Variants in GRIA2 observed in about 807,000 individuals in gnomAD.
The protein encoded by GRIA2 is glutamate ionotropic receptor AMPA type subunit 2.
GRIA2 carries 14 observed loss-of-function variants against 97.3 expected under a neutral mutation model. The observed-to-expected ratio is 0.14, with a 90% confidence interval of 0.10 to 0.23. The LOEUF (loss-of-function observed/expected upper bound fraction) is 0.23, where lower values mean the gene tolerates loss of function less well. Among genes scored for constraint, GRIA2 ranks in the 10% least tolerant of loss-of-function variants. The pLI, the probability that GRIA2 is intolerant of heterozygous loss-of-function variation, is 1.00. For missense variants in GRIA2, 558 were observed against 1,069.8 expected (o/e 0.52, Z 6.67); for synonymous variants, 412 against 387.8 (o/e 1.06, Z -0.73).
intron 2 of GRIA2, among the ~76,000 whole-genome samples, chr4:157,228,808 A>AG (rs1426846657): frequency 1.5e-4 from 22 of 150,682 alleles, no homozygotes; most frequent in Admixed American, 1.1e-3. Context: ...AAAAAAAAAA[A>AG]AAGAAGGAAA....
At chr4:157,358,374 T>A (rs1736484634) in intron 12 of GRIA2, among the ~76,000 whole-genome samples, 1 of 152,128 alleles carries the variant, frequency 6.6e-6, no homozygotes, top group Non-Finnish European at 1.5e-5. Context: ...GGGGTCCTAG[T>A]AAAATTTTCA....
At chr4:157,295,398 T>A (rs1361442577) in intron 2 of GRIA2, among the ~76,000 whole-genome samples, 1 of 152,118 alleles carries the variant, frequency 6.6e-6, no homozygotes, top group Non-Finnish European at 1.5e-5. Context: ...GGGAAAATCA[T>A]CATTGAGGCA....
intron 2 of GRIA2, among the ~76,000 whole-genome samples, chr4:157,226,138 AAT>A (rs1458106456): frequency 6.6e-6 from 1 of 152,044 alleles, no homozygotes; most frequent in African/African-American, 2.4e-5. Flanking sequence ...AAGATGATTT[AAT>A]AGTTTTATAT....
intron 12 of GRIA2, among the ~76,000 whole-genome samples, chr4:157,351,640 C>A (rs1249807949): frequency 2.0e-5 from 3 of 152,136 alleles, no homozygotes; most frequent in Non-Finnish European, 4.4e-5. Flanking sequence ...CCTTGAATTG[C>A]AATCCCTATA....
chr4:157,333,227 T>C (rs758793734), intron 7 of GRIA2, 22 bp from the exon 8 acceptor site: 1 of 1,354,544 alleles, frequency 7.4e-7, no homozygotes, highest in Non-Finnish European at 1.0e-6. Context: ...ATAACTCTGC[T>C]GCTTTCCCAT....
chr4:157,275,329 C>T (rs1288797926), intron 2 of GRIA2, among the ~76,000 whole-genome samples: 7 of 152,052 alleles, frequency 4.6e-5, no homozygotes, highest in African/African-American at 9.7e-5. Context: ...GCCTGTTCAC[C>T]GTGATGGTGG....
intron 2 of GRIA2, among the ~76,000 whole-genome samples, chr4:157,289,129 G>A (rs1365890367): frequency 6.6e-6 from 1 of 151,806 alleles, no homozygotes; most frequent in African/African-American, 2.4e-5. Flanking sequence ...AATCAAACTG[G>A]TTTGGTTTTA....
intron 12 of GRIA2, chr4:157,342,491 G>A: frequency 2.0e-6 from 2 of 978,374 alleles, no homozygotes; most frequent in Non-Finnish European, 2.4e-6. Flanking sequence ...CAATATAAGT[G>A]CAAAAATGTG....
At chr4:157,268,349 A>G (rs938779882) in intron 2 of GRIA2, among the ~76,000 whole-genome samples, 25 of 152,086 alleles carry the variant, frequency 1.6e-4, no homozygotes, top group African/African-American at 5.5e-4. Flanking sequence ...TGAAATAAGT[A>G]AGCTCACTGT....
intron 2 of GRIA2, among the ~76,000 whole-genome samples, chr4:157,259,139 G>C (rs1159667077): frequency 1.3e-5 from 2 of 152,026 alleles, no homozygotes; most frequent in Non-Finnish European, 2.9e-5. Flanking sequence ...GAAATGAGAG[G>C]ACTGCTTGAG....
At chr4:157,241,055 C>A (rs1325101431) in intron 2 of GRIA2, among the ~76,000 whole-genome samples, 3 of 152,138 alleles carry the variant, frequency 2.0e-5, no homozygotes, top group African/African-American at 7.2e-5. Context: ...TTTTTTATGG[C>A]TGCATAGTAT....
chr4:157,277,189 C>A (rs918544015), intron 2 of GRIA2, among the ~76,000 whole-genome samples: 2 of 151,802 alleles, frequency 1.3e-5, no homozygotes, highest in African/African-American at 4.8e-5. Context: ...TAATTACACA[C>A]CACAGCTGTG....
At chr4:157,321,081 G>A (rs1420872370) in intron 5 of GRIA2, among the ~76,000 whole-genome samples, 1 of 152,086 alleles carries the variant, frequency 6.6e-6, no homozygotes, top group Non-Finnish European at 1.5e-5. Flanking sequence ...GTTATTAAGT[G>A]TCTGTAACCA....
intron 6 of GRIA2, among the ~76,000 whole-genome samples, chr4:157,324,289 G>A (rs1446390160): frequency 6.6e-6 from 1 of 152,128 alleles, no homozygotes; most frequent in Non-Finnish European, 1.5e-5. Flanking sequence ...GAATGTGTTT[G>A]GGGAGGAAGT....
At chr4:157,222,728 A>G (rs1363100546) in intron 2 of GRIA2, among the ~76,000 whole-genome samples, 4 of 152,204 alleles carry the variant, frequency 2.6e-5, no homozygotes, top group African/African-American at 7.2e-5. Flanking sequence ...GCAATGCTCC[A>G]TATTAACCCT....
Position 157,336,604 on chromosome 4 carries a change from T to C in GRIA2, c.1701T>C (p.Phe567=), listed in dbSNP as rs1478894347. The C allele has an allele frequency of 1.2e-6, 2 of 1,613,484 alleles. No individual in the cohort carries two copies. The highest frequency in any genetic ancestry group is 1.7e-6 in the Non-Finnish European group (2 of 1,179,576). ...TAGTTTTATTCCTGGTCAGCAGATTTAGCCCCTACGAGTGGCACACTGAGG... is the reference window on the plus strand; with the variant it reads ...TAGTTTTATTCCTGGTCAGCAGATTCAGCCCCTACGAGTGGCACACTGAGG... ...VSVVLFLVSR[F]SPYEWHTEEF... The change falls in exon 11 of 16, where the codon TTT becomes TTC. Residue 567 remains phenylalanine, a synonymous_variant. Transcript: ENST00000264426.
intron 5 of GRIA2, 104 bp downstream of exon 5, chr4:157,317,815 G>A (rs1734392951): frequency 5.2e-6 from 3 of 572,742 alleles, no homozygotes; most frequent in Non-Finnish European, 9.6e-6. Flanking sequence ...AAAAAATACA[G>A]TTTGATTGTA....
chr4:157,327,776 A>G (rs558359234), intron 6 of GRIA2, among the ~76,000 whole-genome samples: 13 of 152,230 alleles, frequency 8.5e-5, no homozygotes, highest in African/African-American at 3.1e-4. Context: ...TTTATTCAGG[A>G]AACAACTTCA....
intron 2 of GRIA2, among the ~76,000 whole-genome samples, chr4:157,231,461 G>A (rs1019389277): frequency 2.6e-5 from 4 of 152,174 alleles, no homozygotes; most frequent in African/African-American, 9.7e-5. Flanking sequence ...ACAGGCATGA[G>A]CAACCATCCT....
Sources: gnomAD v4.1 joint callset for allele counts (sites outside exome capture counted in the v4.1 genomes callset) on GRCh38, gnomAD v4.1.1 for gene constraint, MANE v1.5 for transcripts, NCBI Gene and HGNC (gene_info 2026-07-23, HGNC 2026-07-21) for gene names.